CHP1: variants seen among roughly 807,000 people sequenced by gnomAD.
The protein encoded by CHP1 is calcineurin B homologous protein 1.
In CHP1, 11 loss-of-function variants were observed where a neutral mutation model predicts 27.4. The observed-to-expected ratio is 0.40, with a 90% CI of 0.25 to 0.67. The LOEUF is 0.67. CHP1 is among the 30% of genes least tolerant of loss of function. The pLI, the probability that CHP1 is intolerant of heterozygous loss-of-function variation, is 0.38. For synonymous variants in CHP1, 89 were observed against 87.4 expected (o/e 1.02, Z -0.10); for missense variants, 169 against 251.3 (o/e 0.67, Z 2.22).
chr15:41,237,912 G>C (rs2047285728), intron 1 of CHP1, among the ~76,000 whole-genome samples: 1 of 152,060 alleles, frequency 6.6e-6, no homozygotes, highest in Non-Finnish European at 1.5e-5. Flanking sequence ...GTTTCCCCAT[G>C]TTGGCCAGGA....
At chr15:41,262,595 G>T (rs1307976081) in intron 3 of CHP1, among the ~76,000 whole-genome samples, 161 bp from the exon 4 acceptor site, 1 of 152,190 alleles carries the variant, frequency 6.6e-6, no homozygotes, top group Non-Finnish European at 1.5e-5. Context: ...AGGCTTAAAT[G>T]ATATGGTACT....
At chr15:41,234,316 C>T (rs989437370) in intron 1 of CHP1, 2 of 151,814 alleles carry the variant, frequency 1.3e-5, no homozygotes, top group East Asian at 2.0e-4. Flanking sequence ...AGAATAAAAA[C>T]GGATATCTGG....
rs984832663 is a variant in CHP1 at position 41,234,435 on chromosome 15, A to G, written c.67+2986A>G. Among the ~76,000 whole-genome samples the G allele has an allele frequency of 3.3e-5, 5 of 152,230 alleles. No homozygotes were observed. The East Asian group carries it at 7.7e-4, about 23-fold the overall frequency. ...TTTAAGAACAATTATAAGACATTTT[A>G]CTACTTCCTTTGCCAGTACAAAATG... is the stretch of plus-strand genomic sequence containing the variant. On this transcript the variant is annotated intron_variant, in intron 1 of 6. Transcript: ENST00000334660.
intron 3 of CHP1, among the ~76,000 whole-genome samples, chr15:41,260,939 A>C (rs1246827490): frequency 1.3e-5 from 2 of 152,068 alleles, no homozygotes; most frequent in Non-Finnish European, 2.9e-5. Context: ...GCTGGAGTGC[A>C]GTGGCGCAGT....
In CHP1 at chr15:41,256,968, A is replaced by G; in HGVS notation, c.199A>G (p.Ile67Val). 6.2e-7 allele frequency: 1 copy of G among 1,614,090 alleles called. No individual in the cohort carries two copies. Among genetic ancestry groups the G allele is most frequent in the Non-Finnish European group, 8.5e-7 (1 of 1,179,952 alleles). The change falls in exon 3 of 7, where the codon ATC becomes GTC. Residue 67 changes from isoleucine to valine, a missense_variant. Coordinates refer to ENST00000334660, the MANE Select transcript of CHP1 (RefSeq NM_007236.5). ...CATCAACCCACTGGGGGACCGGATC[A>G]TCAATGCCTTCTTTCCAGAGGGGTG... Reference protein sequence around the residue: ...LAINPLGDRIINAFFPEGEDQ... With the variant: ...LAINPLGDRIVNAFFPEGEDQ...
chr15:41,256,860 C>A, intron 2 of CHP1, 50 bp from the exon 3 acceptor site: 1 of 1,493,312 alleles, frequency 6.7e-7, no homozygotes, highest in Non-Finnish European at 9.3e-7. Context: ...TTAAGGAGTT[C>A]ATGCTAAGGG....
Position 41,256,901 on chromosome 15 carries a change from T to C in CHP1, c.141-9T>C. 6.2e-7 allele frequency: 1 copy of C among 1,613,828 alleles called. No homozygotes were observed. The highest frequency in any genetic ancestry group is 1.7e-5 in the Admixed American group (1 of 60,018). ...ATCTCTATCTAACTCAAGGTGATTC[T>C]CTTGGCAGCCGGGAAGATTTCCAGA... On this transcript the variant is annotated splice_polypyrimidine_tract_variant and intron_variant, in intron 2 of 6. Transcript: ENST00000334660.
chr15:41,252,099 G>A (rs1242494914), intron 2 of CHP1, among the ~76,000 whole-genome samples: 1 of 151,432 alleles, frequency 6.6e-6, no homozygotes, highest in East Asian at 1.9e-4. Flanking sequence ...GGAAATTTTT[G>A]TCATTTCAGT....
chr15:41,234,554 A>G (rs1006903316), intron 1 of CHP1, among the ~76,000 whole-genome samples: 3 of 152,222 alleles, frequency 2.0e-5, no homozygotes, highest in Admixed American at 1.3e-4. Context: ...TGCAAATTTA[A>G]AAAGATTAGA....
chr15:41,273,614 C>T (rs964678046), intron 5 of CHP1, among the ~76,000 whole-genome samples: 4 of 151,548 alleles, frequency 2.6e-5, no homozygotes, highest in Non-Finnish European at 5.9e-5. Context: ...CTCCTGACTT[C>T]AGGTGATCCA....
chr15:41,262,970 A>G (rs1453628026), intron 4 of CHP1, 87 bp downstream of exon 4: 3 of 1,526,808 alleles, frequency 2.0e-6, no homozygotes, highest in South Asian at 1.2e-5. Context: ...TTGAACAAGC[A>G]TCTACAAGAG....
At chr15:41,253,936 C>T (rs1433077028) in intron 2 of CHP1, among the ~76,000 whole-genome samples, 1 of 150,800 alleles carries the variant, frequency 6.6e-6, no homozygotes, top group Non-Finnish European at 1.5e-5. Flanking sequence ...AGGCACGTGC[C>T]ACCATGCCTG....
At chr15:41,259,201 C>T (rs1208305660) in intron 3 of CHP1, among the ~76,000 whole-genome samples, 2 of 152,150 alleles carry the variant, frequency 1.3e-5, no homozygotes, top group African/African-American at 4.8e-5. Flanking sequence ...AAACCTTTTG[C>T]AATGAAAAGT....
At chr15:41,236,081 T>G (rs1350732330) in intron 1 of CHP1, among the ~76,000 whole-genome samples, 2 of 38,754 alleles carry the variant, frequency 5.2e-5, no homozygotes, top group Non-Finnish European at 9.4e-5. Flanking sequence ...CCTAAGAACT[T>G]TTTTTTTTTT....
At chr15:41,252,766 A>C (rs765742157) in intron 2 of CHP1, among the ~76,000 whole-genome samples, 1 of 152,084 alleles carries the variant, frequency 6.6e-6, no homozygotes, top group South Asian at 2.1e-4. Context: ...GGCCACAAAG[A>C]ATGCCATCGT....
intron 2 of CHP1, among the ~76,000 whole-genome samples, chr15:41,246,026 A>C (rs1166019307): frequency 1.3e-5 from 2 of 152,044 alleles, no homozygotes; most frequent in East Asian, 3.8e-4. Context: ...TTGCATGTGG[A>C]TATCCAGTTG....
chr15:41,259,262 C>T (rs1276393005), intron 3 of CHP1, among the ~76,000 whole-genome samples: 2 of 152,090 alleles, frequency 1.3e-5, no homozygotes, highest in Non-Finnish European at 2.9e-5. Flanking sequence ...CCTTAGTCAC[C>T]ATTGATTACT....
chr15:41,242,058 G>A (rs1169229724), intron 1 of CHP1, among the ~76,000 whole-genome samples: 1 of 151,996 alleles, frequency 6.6e-6, no homozygotes, highest in African/African-American at 2.4e-5. Context: ...TGCCATTATT[G>A]CCTCATTTTA....
intron 1 of CHP1, among the ~76,000 whole-genome samples, chr15:41,236,879 G>C (rs1391751833): frequency 1.3e-5 from 2 of 151,136 alleles, no homozygotes; most frequent in African/African-American, 2.4e-5. Flanking sequence ...GCCCAGGCTG[G>C]AGTGCAGTGA....
Sources: gnomAD v4.1 joint callset for allele counts (sites outside exome capture counted in the v4.1 genomes callset) on GRCh38, gnomAD v4.1.1 for gene constraint, MANE v1.5 for transcripts, NCBI Gene and HGNC (gene_info 2026-07-23, HGNC 2026-07-21) for gene names.